The following CA10 variants were observed in gnomAD, a reference collection of about 807,000 sequenced individuals.
CA10 encodes carbonic anhydrase 10 (inactive), also known as carbonic anhydrase-related protein 10.
CA10 carries 14 observed loss-of-function variants against 44.2 expected under a neutral mutation model. The ratio of observed to expected loss-of-function variants is 0.32; its 90% CI spans 0.21 to 0.50. The LOEUF is 0.50. CA10 is among the 20% of genes least tolerant of loss of function. The pLI, the probability that CA10 is intolerant of heterozygous loss-of-function variation, is 0.99. For missense variants in CA10, 350 were observed against 409.7 expected (o/e 0.85, Z 1.26); for synonymous variants, 159 against 141.6 (o/e 1.12, Z -0.87).
intron 3 of CA10, among the ~76,000 whole-genome samples, chr17:51,786,367 CACAGTGAA>C (rs1445445475): frequency 6.6e-6 from 1 of 152,002 alleles, no homozygotes; most frequent in Non-Finnish European, 1.5e-5. Flanking sequence ...GCCTAGGCAA[CACAGTGAA>C]ACACTGTCTC....
At chr17:51,854,890 C>T (rs1167217083) in intron 3 of CA10, among the ~76,000 whole-genome samples, 2 of 152,162 alleles carry the variant, frequency 1.3e-5, no homozygotes, top group African/African-American at 4.8e-5. Flanking sequence ...GCTTAAACCT[C>T]GCAACTACCT....
intron 6 of CA10, among the ~76,000 whole-genome samples, chr17:51,645,148 A>AAT (rs1913269381): frequency 6.6e-6 from 1 of 152,070 alleles, no homozygotes; most frequent in Non-Finnish European, 1.5e-5. Context: ...TCTCCCTGCC[A>AAT]ATCCCCATCA....
At chr17:51,934,125 T>G (rs1385803513) in intron 2 of CA10, among the ~76,000 whole-genome samples, 1 of 152,132 alleles carries the variant, frequency 6.6e-6, no homozygotes, top group African/African-American at 2.4e-5. Flanking sequence ...AGCCCTGAAC[T>G]GCTATCTAAG....
At chr17:51,845,382 C>G (rs1978448213) in intron 3 of CA10, among the ~76,000 whole-genome samples, 1 of 152,124 alleles carries the variant, frequency 6.6e-6, no homozygotes, top group Non-Finnish European at 1.5e-5. Context: ...CAGAGAGGCC[C>G]CATGGTGAGG....
intron 3 of CA10, among the ~76,000 whole-genome samples, chr17:51,754,621 C>A (rs1905023154): frequency 6.6e-6 from 1 of 151,482 alleles, no homozygotes; most frequent in Non-Finnish European, 1.5e-5. Context: ...TGAGGCCTTC[C>A]ACTGATTGGA....
chr17:52,113,319 C>G (rs1598221225), intron 1 of CA10, among the ~76,000 whole-genome samples: 1 of 152,168 alleles, frequency 6.6e-6, no homozygotes, highest in Non-Finnish European at 1.5e-5. Flanking sequence ...ATAGATTACA[C>G]TTCTTTCTCT....
intron 3 of CA10, among the ~76,000 whole-genome samples, chr17:51,859,599 G>A (rs938359107): frequency 6.6e-6 from 1 of 152,152 alleles, no homozygotes; most frequent in Admixed American, 6.6e-5. Context: ...GGCATCAGGA[G>A]AGCTGAGTTC....
intron 3 of CA10, among the ~76,000 whole-genome samples, chr17:51,919,061 C>A (rs893261437): frequency 6.6e-6 from 1 of 152,060 alleles, no homozygotes; most frequent in Non-Finnish European, 1.5e-5. Flanking sequence ...TAATTTGGTT[C>A]TTTTGTTTCA....
intron 3 of CA10, among the ~76,000 whole-genome samples, chr17:51,754,654 G>A (rs1361753257): frequency 6.6e-6 from 1 of 151,302 alleles, no homozygotes; most frequent in Non-Finnish European, 1.5e-5. Context: ...ACCTTATGCA[G>A]GGCAATCTGC....
At chr17:51,886,916 C>T (rs372202467) in intron 3 of CA10, among the ~76,000 whole-genome samples, 25 of 152,066 alleles carry the variant, frequency 1.6e-4, no homozygotes, top group African/African-American at 5.8e-4. Context: ...TCCCCGTGTG[C>T]ACCCTGCTCC....
At chr17:51,963,206 A>G (rs898444883) in intron 2 of CA10, among the ~76,000 whole-genome samples, 4 of 152,196 alleles carry the variant, frequency 2.6e-5, no homozygotes, top group Non-Finnish European at 4.4e-5. Context: ...ACCCAGTCAG[A>G]CAAAAATTAA....
intron 2 of CA10, among the ~76,000 whole-genome samples, chr17:51,994,122 A>T (rs763760356): frequency 6.6e-6 from 1 of 152,084 alleles, no homozygotes; most frequent in Non-Finnish European, 1.5e-5. Flanking sequence ...GGTGAATCTT[A>T]AAGAGTGAAT....
chr17:51,852,216 T>A (rs549710228), intron 3 of CA10, among the ~76,000 whole-genome samples: 11 of 152,238 alleles, frequency 7.2e-5, no homozygotes, highest in Admixed American at 6.5e-4. Context: ...AGTATCAGGG[T>A]GGATGGACAC....
At chr17:51,801,853 G>A (rs1266778709) in intron 3 of CA10, among the ~76,000 whole-genome samples, 2 of 152,160 alleles carry the variant, frequency 1.3e-5, no homozygotes, top group African/African-American at 4.8e-5. Flanking sequence ...TTCCCATAGT[G>A]GTTCTTGTAT....
chr17:52,157,990 G>C lies in CA10; in HGVS notation c.-204C>G. The C allele has an allele frequency of 8.2e-6, 5 of 612,490 alleles. No homozygotes were observed. The highest frequency in any genetic ancestry group is 8.8e-6 in the Non-Finnish European group (3 of 339,588). 37.9% of individuals were successfully genotyped at this position (612,490 alleles called of 1,614,324 possible). ...TTCCGGCAAATCTCCCCTCGGGCTC[G>C]ACGGATGTGCGCCCCAGATGTGCTG... On this transcript the variant is annotated 5_prime_UTR_variant, in exon 1 of 9. Coordinates refer to ENST00000451037, the MANE Select transcript of CA10 (RefSeq NM_020178.5).
chr17:51,818,621 T>G (rs1339878397), intron 3 of CA10, among the ~76,000 whole-genome samples: 1 of 152,126 alleles, frequency 6.6e-6, no homozygotes, highest in Non-Finnish European at 1.5e-5. Context: ...GAGGGATCGC[T>G]TTCGTGATGA....
intron 2 of CA10, among the ~76,000 whole-genome samples, chr17:51,990,186 G>A (rs1984990438): frequency 6.6e-6 from 1 of 151,958 alleles, no homozygotes; most frequent in Non-Finnish European, 1.5e-5. Context: ...AAGAAGGGAG[G>A]GAGGGATGGC....
At chr17:51,664,711 C>T (rs1914147548) in intron 4 of CA10, among the ~76,000 whole-genome samples, 1 of 151,858 alleles carries the variant, frequency 6.6e-6, no homozygotes, top group African/African-American at 2.4e-5. Context: ...CTGAGAAAGG[C>T]TCTGAAAGCT....
At chr17:51,857,109 TC>T (rs1370200652) in intron 3 of CA10, among the ~76,000 whole-genome samples, 3 of 152,168 alleles carry the variant, frequency 2.0e-5, no homozygotes, top group Non-Finnish European at 4.4e-5. Context: ...ATTATCATCA[TC>T]CAAACAAATG....
Sources: allele counts gnomAD v4.1 joint callset (sites outside exome capture counted in the v4.1 genomes callset), GRCh38; gene constraint gnomAD v4.1.1; transcripts MANE v1.5; gene names NCBI Gene and HGNC (gene_info 2026-07-23, HGNC 2026-07-21).